SERPINA9: variants seen among roughly 807,000 people sequenced by gnomAD.
SERPINA9 encodes serpin family A member 9.
A neutral mutation model predicts 24.5 loss-of-function variants in SERPINA9; 32 were observed. The observed-to-expected ratio is 1.30, with a 90% confidence interval of 0.98 to 1.75. SERPINA9 has a LOEUF of 1.75. SERPINA9 is among the 40% of genes most tolerant of loss of function. The pLI is 0.00. For missense variants in SERPINA9, 594 were observed against 497.1 expected (o/e 1.19, Z -1.85); for synonymous variants, 233 against 197.7 (o/e 1.18, Z -1.50).
rs116141730 is a variant in SERPINA9 at position 94,464,563 on chromosome 14, G to T, written c.1050+144C>A. ...GCCAGAGGGATGGTGGCCATAGGCC[G>T]CAAGATTCGGTTCTTCTGGCCGCAG... On this transcript the variant is annotated intron_variant, in intron 4 of 4. Coordinates refer to ENST00000674397, the MANE Select transcript of SERPINA9 (RefSeq NM_175739.4). 743 of 664,306 alleles carry T rather than the reference G, an allele frequency of 1.1e-3. 6 individuals are homozygous for T. The African/African-American group carries it at 0.012, about 11-fold the overall frequency. The allele number at this position is 664,306 out of a possible 1,614,324, so 41.2% of individuals were successfully genotyped here. A position where few individuals can be genotyped will look rare whatever the true frequency, so the allele number is the denominator to read the frequency against.
At chr14:94,475,680 C>G (rs559706723) in intron 1 of SERPINA9, among the ~76,000 whole-genome samples, 2 of 152,260 alleles carry the variant, frequency 1.3e-5, no homozygotes, top group South Asian at 2.1e-4. Context: ...TCTCTTCTCT[C>G]CATCTCAGGA....
intron 2 of SERPINA9, 124 bp from the exon 3 acceptor site, chr14:94,467,506 G>T: frequency 1.2e-6 from 1 of 851,598 alleles, no homozygotes; most frequent in Non-Finnish European, 1.8e-6. Flanking sequence ...ACAAAAAAAT[G>T]CTCTGATATT....
intron 3 of SERPINA9, among the ~76,000 whole-genome samples, chr14:94,465,623 G>C (rs910245182): frequency 6.6e-6 from 1 of 152,114 alleles, no homozygotes; most frequent in African/African-American, 2.4e-5. Flanking sequence ...CACCCCGTGG[G>C]TTCAAGTGTT....
chr14:94,470,475 C>T (rs568801216), intron 1 of SERPINA9, among the ~76,000 whole-genome samples: 2 of 152,356 alleles, frequency 1.3e-5, no homozygotes, highest in African/African-American at 4.8e-5. Context: ...CATCTGTCTG[C>T]TTCCCCTTCA....
chr14:94,474,242 G>A (rs1479376934), intron 1 of SERPINA9, among the ~76,000 whole-genome samples: 1 of 152,156 alleles, frequency 6.6e-6, no homozygotes, highest in African/African-American at 2.4e-5. Flanking sequence ...CTGACGCTGG[G>A]TTGTGCCTCC....
At chr14:94,474,023 T>C (rs1204382900) in intron 1 of SERPINA9, among the ~76,000 whole-genome samples, 1 of 152,368 alleles carries the variant, frequency 6.6e-6, no homozygotes, top group East Asian at 1.9e-4. Context: ...TATGATTTTG[T>C]GTCCCTCCCT....
Position 94,469,828 on chromosome 14 carries a change from G to T in SERPINA9, c.13C>A (p.Leu5Ile). The T allele has an allele frequency of 6.6e-7, 1 of 1,511,442 alleles. No individual in the cohort carries two copies. Among genetic ancestry groups the T allele is most frequent in the Admixed American group, 2.3e-5 (1 of 44,044 alleles). 93.6% of individuals were successfully genotyped at this position (1,511,442 alleles called of 1,614,324 possible). Residue 5 changes from leucine (L) to isoleucine (I), a missense_variant, in exon 2 of 5, where the codon CTT (leucine) becomes ATT (isoleucine). Leu to Ile is a conservative substitution (Grantham distance 5). Transcript: ENST00000674397. Reference sequence around the variant, plus strand: ...CCAACAGCAAAGAGTACTCCATAAAGGTAAGATGCCATTTTGGAACAAAAT... The same window carrying T: ...CCAACAGCAAAGAGTACTCCATAAATGTAAGATGCCATTTTGGAACAAAAT... The part of the protein sequence containing the change: MASY[L>I]YGVLFAVGLC...
rs752046245 is a variant in SERPINA9, at chr14:94,464,765, A to C, written c.992T>G (p.Phe331Cys). 6.2e-7 allele frequency: 1 copy of C among 1,613,776 alleles called. No homozygotes were observed. The highest frequency in any genetic ancestry group is 8.5e-7 in the Non-Finnish European group (1 of 1,179,672). ...TCCAGAAAAATCAGCATTTTTGTCA[A>C]AGACATTTTGGATGCCCATCTTCGG... ...ILPKMGIQNVFDKNADFSGIA... is the reference protein window; with the variant it reads ...ILPKMGIQNVCDKNADFSGIA... Residue 331 changes from phenylalanine (F) to cysteine (C), a missense_variant, in exon 4 of 5, where the codon TTT becomes TGT. Physicochemically the swap from Phe to Cys is radical, Grantham distance 205 (BLOSUM62 -2). Coordinates refer to ENST00000674397, the MANE Select transcript of SERPINA9 (RefSeq NM_175739.4).
intron 1 of SERPINA9, among the ~76,000 whole-genome samples, chr14:94,474,271 A>T (rs1352964913): frequency 6.6e-6 from 1 of 152,184 alleles, no homozygotes; most frequent in Admixed American, 6.5e-5. Flanking sequence ...CCGCATTCCC[A>T]TCAGCAGAGG....
intron 1 of SERPINA9, among the ~76,000 whole-genome samples, chr14:94,475,229 A>G (rs1899530264): frequency 6.6e-6 from 1 of 152,138 alleles, no homozygotes; most frequent in Admixed American, 6.5e-5. Context: ...GGGTTCTGCA[A>G]GGCAGCCTCG....
rs147889732 is a variant in SERPINA9 at position 94,471,022 on chromosome 14, G to A, written c.-17-1165C>T. On this transcript the variant is annotated intron_variant, in intron 1 of 4. Coordinates refer to ENST00000674397, the MANE Select transcript of SERPINA9 (RefSeq NM_175739.4). ...CCAGAGGGGAAAGCAAAGCAGGTGTGTGCTCCAATAGGTCACATCCGTCTG... is the reference window on the plus strand; with the variant it reads ...CCAGAGGGGAAAGCAAAGCAGGTGTATGCTCCAATAGGTCACATCCGTCTG... Among the ~76,000 whole-genome samples, 18 of 152,300 alleles carry A rather than the reference G, an allele frequency of 1.2e-4. No individual in the cohort carries two copies. The East Asian group carries it at 3.5e-3, about 29-fold the overall frequency.
chr14:94,463,137 C>T lies in SERPINA9; in HGVS notation c.1210G>A (p.Gly404Ser), dbSNP rs371198029. Residue 404 changes from glycine to serine, a missense_variant, in exon 5 of 5, where the codon GGT (glycine) becomes AGT (serine). By Grantham distance (56) the Gly-to-Ser change is moderately conservative. Transcript: ENST00000674397. ...LMMITNKATD[G>S]ILFLGKVENP... is the part of the protein sequence containing the mutation. ...TCCACTTTCCCTAGAAAGAGAATAC[C>T]GTCTGTGGCTTTATTTGTAATCATC... 53 of 1,614,048 alleles carry T rather than the reference C, an allele frequency of 3.3e-5. No individual in the cohort carries two copies. Among genetic ancestry groups the T allele is most frequent in the African/African-American group, 4.0e-5 (3 of 74,916 alleles).
At position 94,475,277 on chromosome 14, in the gene SERPINA9, C is replaced by T. The variant is rs553980960; in HGVS notation, c.-18+859G>A. On this transcript the variant is annotated intron_variant, in intron 1 of 4. Transcript: ENST00000674397. Reference sequence around the variant, plus strand: ...TCCCAACCACCAGCCTTTATCCACCCGGCAACATGTAACTCATCAGCTCAC... The same window carrying T: ...TCCCAACCACCAGCCTTTATCCACCTGGCAACATGTAACTCATCAGCTCAC... Among the ~76,000 whole-genome samples the T allele has an allele frequency of 5.1e-4, 78 of 152,196 alleles. No individual in the cohort carries two copies. The South Asian group carries it at 0.015, about 30-fold the overall frequency.
At chr14:94,467,497 C>G in intron 2 of SERPINA9, 115 bp from the exon 3 acceptor site, 3 of 935,546 alleles carry the variant, frequency 3.2e-6, no homozygotes, top group Non-Finnish European at 3.2e-6. Flanking sequence ...TTTGAGGTGA[C>G]AAAAAAATGC....
chr14:94,467,292 A>G lies in SERPINA9; in HGVS notation c.719T>C (p.Met240Thr). The G allele has an allele frequency of 6.2e-7, 1 of 1,614,176 alleles. No homozygotes were observed. Among genetic ancestry groups the G allele is most frequent in the Non-Finnish European group, 8.5e-7 (1 of 1,179,984 alleles). The part of the protein sequence containing the change: ...GEQVTVHVPM[M>T]HQKEQFAFGV... The stretch of plus-strand genomic sequence containing the variant: ...AAAAGCGAACTGCTCTTTCTGGTGC[A>G]TCATGGGGACATGCACAGTGACCTG... The change falls in exon 3 of 5, where the codon ATG becomes ACG. Residue 240 changes from methionine (M) to threonine (T), a missense_variant. Physicochemically the swap from Met to Thr is moderately conservative, Grantham distance 81. Coordinates refer to ENST00000674397, the MANE Select transcript of SERPINA9 (RefSeq NM_175739.4).
At chr14:94,473,623 G>T (rs1243369132) in intron 1 of SERPINA9, among the ~76,000 whole-genome samples, 1 of 150,860 alleles carries the variant, frequency 6.6e-6, no homozygotes, top group Non-Finnish European at 1.5e-5. Context: ...TCTCTTATTT[G>T]ATGAGCTCTG....
chr14:94,468,409 G>A (rs1034852841), intron 2 of SERPINA9, among the ~76,000 whole-genome samples: 2 of 152,098 alleles, frequency 1.3e-5, no homozygotes, highest in Non-Finnish European at 2.9e-5. Flanking sequence ...GAGGGACAGA[G>A]GAAGGGAGGG....
At chr14:94,463,809 G>A (rs979869725) in intron 4 of SERPINA9, among the ~76,000 whole-genome samples, 7 of 152,146 alleles carry the variant, frequency 4.6e-5, no homozygotes, top group African/African-American at 1.7e-4. Flanking sequence ...CTAAGCTTCA[G>A]GGAGGCTTGA....
chr14:94,475,397 C>T (rs956851187), intron 1 of SERPINA9, among the ~76,000 whole-genome samples: 2 of 151,276 alleles, frequency 1.3e-5, no homozygotes, highest in African/African-American at 2.4e-5. Context: ...ATGTGTGCTA[C>T]ATATGCATGT....
Sources: gnomAD v4.1 joint callset for allele counts (sites outside exome capture counted in the v4.1 genomes callset) on GRCh38, gnomAD v4.1.1 for gene constraint, MANE v1.5 for transcripts, NCBI Gene and HGNC (gene_info 2026-07-23, HGNC 2026-07-21) for gene names.